FHIT: variants seen among roughly 807,000 people sequenced by gnomAD.
FHIT encodes bis(5'-adenosyl)-triphosphatase.
A neutral mutation model predicts 17.9 loss-of-function variants in FHIT; 19 were observed. The ratio of observed to expected loss-of-function variants is 1.06; its 90% confidence interval spans 0.74 to 1.56. The LOEUF (loss-of-function observed/expected upper bound fraction) is 1.56. Among genes scored for constraint, FHIT ranks in the 40% most tolerant of loss-of-function variants. FHIT has a pLI of 0.00. For synonymous variants in FHIT, 81 were observed against 69.7 expected, an observed-to-expected ratio of 1.16 and a Z score of -0.81; for missense variants, 248 against 189.2, an observed-to-expected ratio of 1.31 and a Z score of -1.82.
chr3:60,534,140 C>T (rs1187771986), intron 5 of FHIT, among the ~76,000 whole-genome samples: 19 of 152,160 alleles, frequency 1.2e-4, no homozygotes, highest in Admixed American at 1.2e-3. Context: ...TAAGATGCGT[C>T]TCCCAGGCCG....
rs1699437078 is a variant in FHIT at position 59,789,005 on chromosome 3, A to G, written c.349-36684T>C. Among the ~76,000 whole-genome samples, 10 of 152,030 alleles carry G rather than the reference A, an allele frequency of 6.6e-5. No individual in the cohort carries two copies. In the South Asian group the frequency reaches 2.1e-3, roughly 32 times the overall value. On this transcript the variant is annotated intron_variant, in intron 8 of 9. Coordinates refer to ENST00000492590, the MANE Select transcript of FHIT (RefSeq NM_002012.4). ...ATGTACCACTATGACAGCCCCGCTAAGAAGAATAGTGATATCGCACTGCGT... is the reference window on the plus strand; with the variant it reads ...ATGTACCACTATGACAGCCCCGCTAGGAAGAATAGTGATATCGCACTGCGT...
intron 7 of FHIT, among the ~76,000 whole-genome samples, chr3:59,968,870 G>C (rs1178033419): frequency 1.3e-5 from 2 of 152,118 alleles, no homozygotes; most frequent in African/African-American, 4.8e-5. Flanking sequence ...CAGATTTCTG[G>C]GAGCCTTTCA....
At chr3:60,451,367 A>G (rs2031731437) in intron 5 of FHIT, among the ~76,000 whole-genome samples, 1 of 152,102 alleles carries the variant, frequency 6.6e-6, no homozygotes, top group African/African-American at 2.4e-5. Flanking sequence ...CTCTTCTTTC[A>G]GACCTTCTTC....
chr3:61,206,878 G>T (rs1275619321), intron 1 of FHIT, among the ~76,000 whole-genome samples: 4 of 152,066 alleles, frequency 2.6e-5, no homozygotes, highest in African/African-American at 7.2e-5. Context: ...GGTGAGAGAG[G>T]GCATCCCTGT....
intron 3 of FHIT, among the ~76,000 whole-genome samples, chr3:60,853,964 C>A (rs1166763311): frequency 6.6e-6 from 1 of 152,020 alleles, no homozygotes. Context: ...TAATTTGAGT[C>A]CTGATTACCT....
At chr3:61,206,043 C>A (rs1049348391) in intron 1 of FHIT, among the ~76,000 whole-genome samples, 1 of 125,712 alleles carries the variant, frequency 8.0e-6, no homozygotes, top group Non-Finnish European at 1.7e-5. Flanking sequence ...ATATGGCTGC[C>A]AGTTTTCCCA....
chr3:60,192,666 G>A (rs1312624370), intron 5 of FHIT, among the ~76,000 whole-genome samples: 1 of 152,080 alleles, frequency 6.6e-6, no homozygotes, highest in Admixed American at 6.5e-5. Flanking sequence ...TACCCTACAT[G>A]CTGCTTACCT....
At chr3:60,289,076 A>C (rs1707860917) in intron 5 of FHIT, among the ~76,000 whole-genome samples, 1 of 152,200 alleles carries the variant, frequency 6.6e-6, no homozygotes, top group South Asian at 2.1e-4. Flanking sequence ...ACTCTCCACA[A>C]ACCCAATGGG....
chr3:60,319,410 G>T (rs145360853), intron 5 of FHIT, among the ~76,000 whole-genome samples: 194 of 151,304 alleles, frequency 1.3e-3, no homozygotes, highest in Middle Eastern at 6.8e-3. Flanking sequence ...GATTTTTGCT[G>T]CAACAGAGTA....
intron 5 of FHIT, among the ~76,000 whole-genome samples, chr3:60,298,107 A>T (rs573732147): frequency 6.6e-6 from 1 of 152,046 alleles, no homozygotes. Flanking sequence ...TGCCCTCTCT[A>T]CGAGCACCAC....
At chr3:59,901,550 T>C (rs1241234238) in intron 8 of FHIT, among the ~76,000 whole-genome samples, 3 of 152,270 alleles carry the variant, frequency 2.0e-5, no homozygotes, top group Middle Eastern at 6.8e-3. Flanking sequence ...CAGGGATGCC[T>C]CACCCAAACA....
intron 5 of FHIT, among the ~76,000 whole-genome samples, chr3:60,405,097 A>G (rs1451558877): frequency 1.3e-5 from 2 of 152,210 alleles, no homozygotes; most frequent in African/African-American, 4.8e-5. Flanking sequence ...GGATAGGGGT[A>G]GGTACCAGGT....
intron 8 of FHIT, among the ~76,000 whole-genome samples, chr3:59,876,375 C>A (rs1703159638): frequency 1.3e-5 from 2 of 152,118 alleles, no homozygotes; most frequent in African/African-American, 4.8e-5. Context: ...ATTATTTAAA[C>A]TAGAATAATC....
intron 5 of FHIT, among the ~76,000 whole-genome samples, chr3:60,453,940 G>A (rs954578929): frequency 6.6e-6 from 1 of 152,048 alleles, no homozygotes; most frequent in African/African-American, 2.4e-5. Flanking sequence ...AGATAATGCT[G>A]AGTAATGGGT....
intron 2 of FHIT, among the ~76,000 whole-genome samples, chr3:61,100,395 C>A (rs2106846921): frequency 6.6e-6 from 1 of 152,184 alleles, no homozygotes; most frequent in Admixed American, 6.6e-5. Context: ...TGAAATTATC[C>A]TTTTTTATGG....
At chr3:60,193,773 TATGTCCAATGTCA>T (rs985334511) in intron 5 of FHIT, among the ~76,000 whole-genome samples, 2 of 152,108 alleles carry the variant, frequency 1.3e-5, no homozygotes, top group African/African-American at 4.8e-5. Flanking sequence ...CACAGTGTGA[TATGTCCAATGTCA>T]GGGGCCAGTA....
chr3:60,749,619 C>G (rs934466935), intron 4 of FHIT, among the ~76,000 whole-genome samples: 1 of 152,104 alleles, frequency 6.6e-6, no homozygotes, highest in African/African-American at 2.4e-5. Context: ...GGAAGCCAGT[C>G]AGGAGAAAGT....
intron 5 of FHIT, among the ~76,000 whole-genome samples, chr3:60,237,957 G>A (rs1704896217): frequency 6.6e-6 from 1 of 151,804 alleles, no homozygotes; most frequent in Non-Finnish European, 1.5e-5. Context: ...CCAACATGGT[G>A]AAACTCCATC....
At chr3:60,685,475 C>A (rs9847651) in intron 4 of FHIT, among the ~76,000 whole-genome samples, 6,343 of 152,096 alleles carry the variant, frequency 0.042, 457 homozygotes, top group African/African-American at 0.14. Flanking sequence ...TGGTACACTC[C>A]GTTTGAAGGT....
Sources: gnomAD v4.1 joint callset for allele counts (sites outside exome capture counted in the v4.1 genomes callset) on GRCh38, gnomAD v4.1.1 for gene constraint, MANE v1.5 for transcripts, NCBI Gene and HGNC (gene_info 2026-07-23, HGNC 2026-07-21) for gene names.